THEMIS: variants seen among roughly 807,000 people sequenced by gnomAD.
THEMIS encodes thymocyte selection associated, also known as protein THEMIS.
THEMIS carries 37 observed loss-of-function variants against 52.6 expected under a neutral mutation model. The observed-to-expected ratio is 0.70, with a 90% CI of 0.54 to 0.93. THEMIS has a LOEUF of 0.93. Ranked by LOEUF, THEMIS falls within the 40% of genes least tolerant of loss-of-function variation. THEMIS has a pLI of 0.00. For missense variants in THEMIS, 808 were observed against 763.1 expected, an observed-to-expected ratio of 1.06 and a Z score of -0.69; for synonymous variants, 292 against 272.7, an observed-to-expected ratio of 1.07 and a Z score of -0.70.
the THEMIS span, among the ~76,000 whole-genome samples, chr6:127,698,032 G>A: frequency 5.3e-5 from 8 of 151,942 alleles, no homozygotes; most frequent in South Asian, 2.1e-4. Flanking sequence ...TATACAACTC[G>A]CCAATTAATG....
intron 4 of THEMIS, among the ~76,000 whole-genome samples, chr6:127,759,982 A>G (rs1047840832): frequency 2.0e-5 from 3 of 151,678 alleles, no homozygotes; most frequent in African/African-American, 7.3e-5. Context: ...TAGCTTCCCA[A>G]CTGAAAACCC....
At position 127,799,754 on chromosome 6, in the gene THEMIS, TGATAGA is replaced by T. The variant is rs565882711; in HGVS notation, c.1758+13123_1758+13128del. 4.5e-4 allele frequency among the ~76,000 whole-genome samples: 68 copies of T among 152,250 alleles called. 1 individual carries two copies. In the South Asian group the frequency reaches 8.3e-3, roughly 19 times the overall value. ...CTCTGGCCAATTAAATAAGTGCAAT[TGATAGA>T]GATAGAGATCTCACATTTGTACATT... is the stretch of plus-strand genomic sequence containing the variant. On this transcript the variant is annotated intron_variant, in intron 4 of 5. Coordinates refer to ENST00000368248, the MANE Select transcript of THEMIS (RefSeq NM_001010923.3).
chr6:127,703,572 G>A (rs1472191515), downstream of THEMIS, among the ~76,000 whole-genome samples: 1 of 152,134 alleles, frequency 6.6e-6, no homozygotes, highest in Non-Finnish European at 1.5e-5. Context: ...GGTCACATCA[G>A]CAAACACAAA....
intron 4 of THEMIS, among the ~76,000 whole-genome samples, chr6:127,778,335 A>T (rs1776632421): frequency 6.6e-6 from 1 of 152,138 alleles, no homozygotes; most frequent in African/African-American, 2.4e-5. Context: ...CCTCCTTCTC[A>T]ATGGTAGATT....
chr6:127,908,546 T>C (rs942866454), intron 1 of THEMIS, among the ~76,000 whole-genome samples: 6 of 152,128 alleles, frequency 3.9e-5, no homozygotes, highest in South Asian at 2.1e-4. Flanking sequence ...CAAAGTGCAA[T>C]GTGAATGTTG....
At chr6:127,816,882 C>T (rs923002905) in intron 3 of THEMIS, among the ~76,000 whole-genome samples, 2 of 152,180 alleles carry the variant, frequency 1.3e-5, no homozygotes, top group Non-Finnish European at 2.9e-5. Flanking sequence ...TCAGTCAGAT[C>T]TTTGCACAGC....
intron 3 of THEMIS, among the ~76,000 whole-genome samples, chr6:127,817,487 TAGAG>T (rs1264155852): frequency 6.6e-6 from 1 of 152,170 alleles, no homozygotes; most frequent in Non-Finnish European, 1.5e-5. Context: ...TTCAACATAA[TAGAG>T]AGATCAAGGT....
intron 4 of THEMIS, among the ~76,000 whole-genome samples, chr6:127,758,946 AC>A (rs1196060215): frequency 6.6e-6 from 1 of 152,178 alleles, no homozygotes; most frequent in East Asian, 1.9e-4. Flanking sequence ...TTATGAACTT[AC>A]AAAATAGTTA....
At position 127,782,033 on chromosome 6, in the gene THEMIS, T is replaced by C. The variant is rs1000863615; in HGVS notation, c.1758+30850A>G. 5.2e-4 allele frequency among the ~76,000 whole-genome samples: 79 copies of C among 152,106 alleles called. 1 individual carries two copies. The highest frequency in any genetic ancestry group is 1.0e-3 in the Non-Finnish European group (68 of 68,002). ...ATAGAGGCAGTCTGGCTACAGCAGC[T>C]TTGCCAAGCTGCAGTGTGCTCCACC... On this transcript the variant is annotated intron_variant, in intron 4 of 5. Transcript: ENST00000368248.
At chr6:127,707,664 G>A (rs993830217), downstream of THEMIS, among the ~76,000 whole-genome samples, 2 of 152,006 alleles carry the variant, frequency 1.3e-5, no homozygotes, top group Admixed American at 6.6e-5. Flanking sequence ...AGCCTACCGG[G>A]GTTATAATTA....
intron 3 of THEMIS, among the ~76,000 whole-genome samples, chr6:127,824,792 GCAGGCGCCTGTAGTCCCAGCTACTTGA>G (rs1778450490): frequency 6.6e-6 from 1 of 152,164 alleles, no homozygotes; most frequent in Non-Finnish European, 1.5e-5. Context: ...CCACCGGGTG[GCAGGCGCCTGTAGTCCCAGCTACTTGA>G]CAGGCTGAGG....
intron 1 of THEMIS, among the ~76,000 whole-genome samples, chr6:127,880,351 C>T (rs1562318017): frequency 6.6e-6 from 1 of 151,692 alleles, no homozygotes; most frequent in African/African-American, 2.4e-5. Flanking sequence ...TTTGAGCAAG[C>T]CAAATAGCTG....
rs1212000440 is a variant in THEMIS, at chr6:127,883,213, A to G, written c.91+17629T>C. Among the ~76,000 whole-genome samples the G allele has an allele frequency of 3.9e-5, 6 of 152,078 alleles. No individual in the cohort carries two copies. The East Asian group carries it at 1.2e-3, about 29-fold the overall frequency. ...CTTACAAGACATTGTTGGTTCTATGATGATAGCATTTCCTATAAGATTTCT... is the reference window on the plus strand; with the variant it reads ...CTTACAAGACATTGTTGGTTCTATGGTGATAGCATTTCCTATAAGATTTCT... On this transcript the variant is annotated intron_variant, in intron 1 of 5. Coordinates refer to ENST00000368248, the MANE Select transcript of THEMIS (RefSeq NM_001010923.3).
At position 127,709,757 on chromosome 6, in the gene THEMIS, C is replaced by A. The variant is rs114083458; in HGVS notation, c.*228G>T. Reference sequence around the variant, plus strand: ...AAATACGTCCTAAAGAACAACAACACAATGCCTACAGATTTAGACACAACA... The same window carrying A: ...AAATACGTCCTAAAGAACAACAACAAAATGCCTACAGATTTAGACACAACA... On this transcript the variant is annotated 3_prime_UTR_variant, in exon 6 of 6. Transcript: ENST00000368248. 1,183 of 409,156 alleles carry A rather than the reference C, an allele frequency of 2.9e-3. 14 individuals are homozygous for A. The highest frequency in any genetic ancestry group is 0.023 in the African/African-American group (1,091 of 48,132). 25.3% of individuals were successfully genotyped at this position (409,156 alleles called of 1,614,324 possible).
chr6:127,769,348 TTTTG>T (rs991758152), intron 4 of THEMIS, among the ~76,000 whole-genome samples: 2 of 147,046 alleles, frequency 1.4e-5, no homozygotes, highest in African/African-American at 2.5e-5. Flanking sequence ...ACCAGTTTTT[TTTTG>T]TTTTTTTTTT....
chr6:127,877,403 C>T lies in THEMIS; in HGVS notation c.92-22215G>A, dbSNP rs76184490. Among the ~76,000 whole-genome samples, 1,013 of 152,260 alleles carry T rather than the reference C, an allele frequency of 6.7e-3. 8 individuals carry two copies. Among genetic ancestry groups the T allele is most frequent in the Middle Eastern group, 0.034 (10 of 294 alleles). On this transcript the variant is annotated intron_variant, in intron 1 of 5. Transcript: ENST00000368248. ...GCCTTTAGCCTATATTGGCTTTTGA[C>T]GTTCCTTCCACACTAAGCTTAATCA...
intron 1 of THEMIS, among the ~76,000 whole-genome samples, chr6:127,907,336 G>GCTTTTTTTT (rs1444629822): frequency 3.5e-5 from 1 of 28,602 alleles, no homozygotes; most frequent in African/African-American, 1.1e-4. Flanking sequence ...ATTAGGCTCG[G>GCTTTTTTTT]ATTTTTTTTT....
chr6:127,776,647 A>G, intron 4 of THEMIS, among the ~76,000 whole-genome samples: 1 of 152,182 alleles, frequency 6.6e-6, no homozygotes, highest in Non-Finnish European at 1.5e-5. Context: ...CAGATTCTTG[A>G]CTCACAGAAA....
At chr6:127,875,721 C>T (rs77011834) in intron 1 of THEMIS, among the ~76,000 whole-genome samples, 11,005 of 152,184 alleles carry the variant, frequency 0.072, 421 homozygotes, top group Non-Finnish European at 0.092. Flanking sequence ...TTGAACAGCA[C>T]AGTGGTATAA....
Sources: gnomAD v4.1 joint callset for allele counts (sites outside exome capture counted in the v4.1 genomes callset) on GRCh38, gnomAD v4.1.1 for gene constraint, MANE v1.5 for transcripts, NCBI Gene and HGNC (gene_info 2026-07-23, HGNC 2026-07-21) for gene names.